The following DCAF6 variants were observed in gnomAD, a reference collection of about 807,000 sequenced individuals.
The protein encoded by DCAF6 is DDB1- and CUL4-associated factor 6.
In DCAF6, 54 loss-of-function variants were observed where a neutral mutation model predicts 125.1. The ratio of observed to expected loss-of-function variants is 0.43; its 90% confidence interval spans 0.35 to 0.54. The LOEUF (loss-of-function observed/expected upper bound fraction) is 0.54. Among genes scored for constraint, DCAF6 ranks in the 20% least tolerant of loss-of-function variants. DCAF6 has a pLI of 0.01. For synonymous variants in DCAF6, 371 were observed against 390.4 expected (o/e 0.95, Z 0.58); for missense variants, 934 against 1,161.7 (o/e 0.80, Z 2.85).
chr1:168,045,873 C>T (rs1484903116), intron 16 of DCAF6, among the ~76,000 whole-genome samples: 2 of 152,016 alleles, frequency 1.3e-5, no homozygotes, highest in African/African-American at 2.4e-5. Context: ...GCATTTCATA[C>T]TCATGGAAAA....
At chr1:167,943,261 C>T (rs1224329119) in intron 1 of DCAF6, among the ~76,000 whole-genome samples, 1 of 152,124 alleles carries the variant, frequency 6.6e-6, no homozygotes, top group African/African-American at 2.4e-5. Context: ...ATTCTGAACC[C>T]TTTCTATTTC....
chr1:167,950,553 C>A (rs898311573), intron 1 of DCAF6, among the ~76,000 whole-genome samples: 4 of 152,052 alleles, frequency 2.6e-5, no homozygotes, highest in Admixed American at 6.5e-5. Flanking sequence ...AGTTAAATAA[C>A]ATGGAGAAAG....
the DCAF6 span, among the ~76,000 whole-genome samples, chr1:167,925,117 C>T: frequency 2.6e-5 from 4 of 152,090 alleles, no homozygotes; most frequent in Admixed American, 2.6e-4. Flanking sequence ...CACAATTTAA[C>T]ATAGTCCTTG....
chr1:167,998,706 TTC>T, intron 7 of DCAF6: 1 of 153,356 alleles, frequency 6.5e-6, no homozygotes, highest in Non-Finnish European at 1.5e-5. Context: ...AGAAACCACT[TTC>T]TTTGCTCATC....
chr1:167,893,002 A>G, the DCAF6 span, among the ~76,000 whole-genome samples: 13 of 152,348 alleles, frequency 8.5e-5, no homozygotes, highest in African/African-American at 2.9e-4. Context: ...GAATAAATAC[A>G]TGAACTAGCA....
At position 168,002,491 on chromosome 1, in the gene DCAF6, C is replaced by G. The variant is rs375392202; in HGVS notation, c.913C>G (p.Pro305Ala). 6.2e-7 allele frequency: 1 copy of G among 1,612,614 alleles called. No homozygotes were observed. Among genetic ancestry groups the G allele is most frequent in the African/African-American group, 1.3e-5 (1 of 74,852 alleles). The change falls in exon 8 of 22, where the codon CCA becomes GCA. Residue 305 changes from proline (P) to alanine (A), a missense_variant. Transcript: ENST00000367840. Reference protein sequence around the residue: ...AEERREELRQPPVKRLRLRGD... With the variant: ...AEERREELRQAPVKRLRLRGD... ...CGTTCTTATTTTTTAGTTGCGACAACCACCAGTTAAGCGTTTGAGACTTCG... is the reference window on the plus strand; with the variant it reads ...CGTTCTTATTTTTTAGTTGCGACAAGCACCAGTTAAGCGTTTGAGACTTCG...
chr1:168,013,256 G>A (rs1291178256), intron 10 of DCAF6, among the ~76,000 whole-genome samples: 1 of 152,190 alleles, frequency 6.6e-6, no homozygotes, highest in Non-Finnish European at 1.5e-5. Flanking sequence ...AGAACTAACA[G>A]TGAGTGAGTA....
At chr1:168,049,745 T>C (rs1480872200) in intron 16 of DCAF6, among the ~76,000 whole-genome samples, 1 of 136,366 alleles carries the variant, frequency 7.3e-6, no homozygotes, top group Admixed American at 7.9e-5. Flanking sequence ...AAGCTCTGCC[T>C]CCCAGGTTCA....
chr1:168,070,467 G>A (rs1475671372), intron 21 of DCAF6, among the ~76,000 whole-genome samples: 1 of 152,004 alleles, frequency 6.6e-6, no homozygotes, highest in African/African-American at 2.4e-5. Context: ...CATTACTCCA[G>A]AAGGCTTCCT....
chr1:167,940,506 A>AT (rs5778563), intron 1 of DCAF6, among the ~76,000 whole-genome samples: 43,318 of 146,088 alleles, frequency 0.3, 6,583 homozygotes, highest in Admixed American at 0.41. Flanking sequence ...GCCTCCTGGA[A>AT]TTTTTTTTTT....
At chr1:167,977,100 C>T (rs1469289021) in intron 4 of DCAF6, among the ~76,000 whole-genome samples, 1 of 150,564 alleles carries the variant, frequency 6.6e-6, no homozygotes, top group Non-Finnish European at 1.5e-5. Flanking sequence ...GATGGGGTTT[C>T]TCCATGTTGG....
intron 6 of DCAF6, 54 bp from the exon 7 acceptor site, chr1:167,993,172 A>G: frequency 6.9e-7 from 1 of 1,452,910 alleles, no homozygotes; most frequent in Non-Finnish European, 9.4e-7. Context: ...GTTTTAAAAA[A>G]TGTTTTTCTT....
chr1:168,066,848 A>G (rs1020740777), intron 20 of DCAF6, among the ~76,000 whole-genome samples: 2 of 152,128 alleles, frequency 1.3e-5, no homozygotes, highest in Non-Finnish European at 2.9e-5. Flanking sequence ...TAGTACAGCT[A>G]TTTTTCCATT....
At chr1:167,912,602 C>A in the DCAF6 span, among the ~76,000 whole-genome samples, 3 of 152,242 alleles carry the variant, frequency 2.0e-5, no homozygotes, top group Non-Finnish European at 4.4e-5. Flanking sequence ...GACGTCCACC[C>A]CACTGGGGGT....
the DCAF6 span, chr1:167,896,672 G>A: frequency 1.2e-6 from 2 of 1,612,266 alleles, no homozygotes; most frequent in Non-Finnish European, 1.7e-6. Flanking sequence ...AAAATTGGGG[G>A]GTGGTTTTAA....
In DCAF6 at chr1:167,978,622, G is replaced by A. The variant is rs562908869; in HGVS notation, c.438+3607G>A. ...TTGAAAAAATATCTTCTGCATATGA[G>A]CCTATCTTTTCCTATTCTGTGGTTA... On this transcript the variant is annotated intron_variant, in intron 4 of 21. Coordinates refer to ENST00000367840, the MANE Select transcript of DCAF6 (RefSeq NM_001198956.2). 9.2e-5 allele frequency among the ~76,000 whole-genome samples: 14 copies of A among 152,044 alleles called. No individual in the cohort carries two copies. In the East Asian group the frequency reaches 2.1e-3, roughly 23 times the overall value.
At chr1:167,920,512 C>T in the DCAF6 span, 1 of 1,598,930 alleles carries the variant, frequency 6.3e-7, no homozygotes, top group Non-Finnish European at 8.5e-7. Context: ...CATTTATGTT[C>T]TACAAGAAAC....
chr1:167,940,938 A>C (rs1379149102), intron 1 of DCAF6, among the ~76,000 whole-genome samples: 1 of 152,168 alleles, frequency 6.6e-6, no homozygotes, highest in Non-Finnish European at 1.5e-5. Flanking sequence ...GGAGTTTATG[A>C]AGTCAGTGTC....
chr1:167,937,257 T>G, intron 1 of DCAF6: 1 of 560,084 alleles, frequency 1.8e-6, no homozygotes, highest in East Asian at 3.2e-5. Flanking sequence ...CAGAAGGTAC[T>G]GGCTTGTAAA....
Sources: gnomAD v4.1 joint callset for allele counts (sites outside exome capture counted in the v4.1 genomes callset) on GRCh38, gnomAD v4.1.1 for gene constraint, MANE v1.5 for transcripts, NCBI Gene and HGNC (gene_info 2026-07-23, HGNC 2026-07-21) for gene names.